SGMS1: variants seen among roughly 807,000 people sequenced by gnomAD.
The protein encoded by SGMS1 is sphingomyelin synthase 1.
SGMS1 carries 13 observed loss-of-function variants against 46.2 expected under a neutral mutation model. That is an observed-to-expected ratio of 0.28 (90% CI 0.18 to 0.45). The LOEUF is 0.45. Among genes scored for constraint, SGMS1 ranks in the 20% least tolerant of loss-of-function variants. The pLI is 1.00. For synonymous variants in SGMS1, 203 were observed against 187.8 expected (o/e 1.08, Z -0.66); for missense variants, 324 against 519.9 (o/e 0.62, Z 3.66).
At chr10:50,502,863 C>T (rs1425882575) in intron 3 of SGMS1, among the ~76,000 whole-genome samples, 4 of 152,024 alleles carry the variant, frequency 2.6e-5, no homozygotes, top group African/African-American at 4.8e-5. Flanking sequence ...AGAAAATGAA[C>T]GTATCACCCA....
chr10:50,538,801 G>C (rs772986934), intron 2 of SGMS1, among the ~76,000 whole-genome samples: 13 of 152,180 alleles, frequency 8.5e-5, no homozygotes, highest in Non-Finnish European at 1.9e-4. Context: ...ATCATTAAGT[G>C]GTCAAAGGCG....
chr10:50,447,508 A>T (rs1837036350), intron 5 of SGMS1, among the ~76,000 whole-genome samples: 1 of 152,152 alleles, frequency 6.6e-6, no homozygotes, highest in Admixed American at 6.5e-5. Context: ...AAAGTCAGTT[A>T]TTCCTTCTGA....
chr10:50,380,438 C>T (rs963789227), intron 6 of SGMS1, among the ~76,000 whole-genome samples: 1 of 151,584 alleles, frequency 6.6e-6, no homozygotes, highest in Non-Finnish European at 1.5e-5. Flanking sequence ...AAAATAACAC[C>T]AGCAGAAGAA....
At position 50,432,978 on chromosome 10, in the gene SGMS1, T is replaced by C. The variant is rs534238301; in HGVS notation, c.-232+498A>G. On this transcript the variant is annotated intron_variant, in intron 6 of 10. Transcript: ENST00000361781. ...AGATAATTAGCAAACATTAATAGCCTCTGATGTACATAAAAGTAGCATACA... is the reference window on the plus strand; with the variant it reads ...AGATAATTAGCAAACATTAATAGCCCCTGATGTACATAAAAGTAGCATACA... Among the ~76,000 whole-genome samples, 5 of 152,320 alleles carry C rather than the reference T, an allele frequency of 3.3e-5. No homozygotes were observed. The South Asian group carries it at 6.2e-4, about 19-fold the overall frequency.
At chr10:50,329,046 T>C (rs1323670927) in intron 7 of SGMS1, among the ~76,000 whole-genome samples, 1 of 152,238 alleles carries the variant, frequency 6.6e-6, no homozygotes, top group Non-Finnish European at 1.5e-5. Context: ...CTTTCAAGTC[T>C]AGATCTGCTG....
At chr10:50,481,387 G>A (rs909805254) in intron 3 of SGMS1, among the ~76,000 whole-genome samples, 2 of 152,172 alleles carry the variant, frequency 1.3e-5, no homozygotes, top group South Asian at 2.1e-4. Context: ...TCCAGGTGTG[G>A]GAGGGACTGA....
intron 3 of SGMS1, among the ~76,000 whole-genome samples, chr10:50,515,590 C>A (rs1033624503): frequency 2.6e-5 from 4 of 152,220 alleles, no homozygotes; most frequent in Admixed American, 2.6e-4. Flanking sequence ...TGCCATAGAG[C>A]CTGATGGCTC....
intron 2 of SGMS1, among the ~76,000 whole-genome samples, chr10:50,551,758 T>G (rs1838150556): frequency 6.6e-6 from 1 of 152,150 alleles, no homozygotes; most frequent in Non-Finnish European, 1.5e-5. Context: ...AGATTCTATG[T>G]CCAAAATGTC....
At chr10:50,331,751 A>G (rs182233682) in intron 7 of SGMS1, among the ~76,000 whole-genome samples, 2 of 152,272 alleles carry the variant, frequency 1.3e-5, no homozygotes, top group African/African-American at 4.8e-5. Context: ...CCTAATCACC[A>G]GTGATTAGAT....
chr10:50,462,872 A>C (rs566832243), intron 4 of SGMS1, among the ~76,000 whole-genome samples: 20 of 152,298 alleles, frequency 1.3e-4, no homozygotes, highest in Admixed American at 1.3e-3. Context: ...CCTGTGAAGC[A>C]AAAAGCCAGC....
intron 2 of SGMS1, among the ~76,000 whole-genome samples, chr10:50,585,501 T>C (rs1023709104): frequency 6.6e-6 from 1 of 152,248 alleles, no homozygotes; most frequent in African/African-American, 2.4e-5. Flanking sequence ...AGTTTTAAAT[T>C]GAGGATTTTT....
intron 1 of SGMS1, among the ~76,000 whole-genome samples, chr10:50,591,406 A>T (rs1838539856): frequency 6.6e-6 from 1 of 152,078 alleles, no homozygotes; most frequent in African/African-American, 2.4e-5. Context: ...CAAACAACAC[A>T]TCACACCAGG....
chr10:50,495,055 A>C (rs1421282016), intron 3 of SGMS1, among the ~76,000 whole-genome samples: 12 of 106,056 alleles, frequency 1.1e-4, no homozygotes, highest in South Asian at 5.3e-4. Context: ...AATAAAATAA[A>C]AAAAAATACA....
At chr10:50,427,660 A>G (rs959995136) in intron 6 of SGMS1, among the ~76,000 whole-genome samples, 2 of 152,186 alleles carry the variant, frequency 1.3e-5, no homozygotes, top group Non-Finnish European at 2.9e-5. Context: ...CAGGTCACTG[A>G]GGATCAAAGC....
At chr10:50,587,627 A>C (rs1024476069) in intron 2 of SGMS1, among the ~76,000 whole-genome samples, 1 of 67,320 alleles carries the variant, frequency 1.5e-5, no homozygotes, top group African/African-American at 3.6e-5. Context: ...GCATCTCAAA[A>C]TATATATGTG....
chr10:50,571,277 T>A, intron 2 of SGMS1, among the ~76,000 whole-genome samples: 1 of 152,272 alleles, frequency 6.6e-6, no homozygotes, highest in Non-Finnish European at 1.5e-5. Context: ...ACTTTGCTAT[T>A]GCCCAGGCAG....
chr10:50,402,038 A>AT (rs1181448324), intron 6 of SGMS1, among the ~76,000 whole-genome samples: 2 of 152,170 alleles, frequency 1.3e-5, no homozygotes, highest in African/African-American at 4.8e-5. Flanking sequence ...AAACATCTTC[A>AT]TTTTGTTAAA....
intron 1 of SGMS1, among the ~76,000 whole-genome samples, chr10:50,610,873 C>A (rs1838743578): frequency 6.6e-6 from 1 of 152,168 alleles, no homozygotes; most frequent in Admixed American, 6.5e-5. Flanking sequence ...CGTTCAACGT[C>A]AAAGCTGCCA....
At chr10:50,557,748 A>G (rs1838200678) in intron 2 of SGMS1, among the ~76,000 whole-genome samples, 1 of 151,952 alleles carries the variant, frequency 6.6e-6, no homozygotes, top group African/African-American at 2.4e-5. Context: ...TGAGCTTAGG[A>G]AACCTTAATC....
Sources: allele counts gnomAD v4.1 joint callset (sites outside exome capture counted in the v4.1 genomes callset), GRCh38; gene constraint gnomAD v4.1.1; transcripts MANE v1.5; gene names NCBI Gene and HGNC (gene_info 2026-07-23, HGNC 2026-07-21).